The following ANAPC10 variants were observed in gnomAD, a reference collection of about 807,000 sequenced individuals.
The protein encoded by ANAPC10 is anaphase-promoting complex subunit 10.
ANAPC10 carries 12 observed loss-of-function variants against 22.0 expected under a neutral mutation model. The ratio of observed to expected loss-of-function variants is 0.55; its 90% CI spans 0.35 to 0.88. ANAPC10 has a LOEUF of 0.88. Ranked by LOEUF, ANAPC10 falls within the 40% of genes least tolerant of loss-of-function variation. The pLI is 0.01. For synonymous variants in ANAPC10, 65 were observed against 69.5 expected (o/e 0.94, Z 0.32); for missense variants, 188 against 220.9 (o/e 0.85, Z 0.94).
At chr4:145,034,513 A>G (rs1191942387) in intron 4 of ANAPC10, among the ~76,000 whole-genome samples, 1 of 137,928 alleles carries the variant, frequency 7.3e-6, no homozygotes, top group Non-Finnish European at 1.5e-5. Context: ...AACACTTAAC[A>G]AACTCTCCTT....
At chr4:145,050,815 T>C (rs1432298733) in intron 4 of ANAPC10, among the ~76,000 whole-genome samples, 5 of 152,214 alleles carry the variant, frequency 3.3e-5, no homozygotes, top group Non-Finnish European at 7.3e-5. Context: ...ATTAGGACCA[T>C]ACTGTGGATT....
At chr4:145,048,247 T>C (rs1257365814) in intron 4 of ANAPC10, among the ~76,000 whole-genome samples, 4 of 152,116 alleles carry the variant, frequency 2.6e-5, no homozygotes, top group Non-Finnish European at 5.9e-5. Flanking sequence ...GCTACATGAG[T>C]GATCAAGATG....
intron 4 of ANAPC10, among the ~76,000 whole-genome samples, chr4:145,019,542 G>A (rs888895681): frequency 6.6e-6 from 1 of 152,008 alleles, no homozygotes; most frequent in Admixed American, 6.6e-5. Flanking sequence ...AGGAACTAGA[G>A]AAACACGAAC....
chr4:145,084,096 A>T (rs549617368), intron 2 of ANAPC10, among the ~76,000 whole-genome samples: 1 of 152,198 alleles, frequency 6.6e-6, no homozygotes, highest in African/African-American at 2.4e-5. Context: ...TCAGTCATCT[A>T]GGTAGCTGGA....
At position 145,064,673 on chromosome 4, in the gene ANAPC10, T is replaced by C. The variant is rs754700610; in HGVS notation, c.226A>G (p.Thr76Ala). ...IQFRRKTTVK[T>A]LCIYADYKSD... ...TTGTAGTCTGCATAAATACATAATG[T>C]CTTCACTGTTGTTTTTCTTCTAAAA... Residue 76 changes from threonine (T) to alanine (A), a missense_variant, in exon 4 of 5, where the codon ACA (threonine) becomes GCA (alanine). Physicochemically the swap from Thr to Ala is moderately conservative, Grantham distance 58. Transcript: ENST00000507656. The C allele has an allele frequency of 6.5e-7, 1 of 1,545,046 alleles. No individual in the cohort carries two copies. Among genetic ancestry groups the C allele is most frequent in the Admixed American group, 1.8e-5 (1 of 54,306 alleles).
intron 4 of ANAPC10, among the ~76,000 whole-genome samples, chr4:145,020,266 AG>A (rs1735781263): frequency 2.0e-5 from 3 of 152,206 alleles, no homozygotes; most frequent in African/African-American, 7.2e-5. Context: ...CCAGGGATGC[AG>A]GGATGGTTTA....
At chr4:144,996,862 A>C (rs1216027421) in intron 4 of ANAPC10, among the ~76,000 whole-genome samples, 1 of 152,208 alleles carries the variant, frequency 6.6e-6, no homozygotes, top group Non-Finnish European at 1.5e-5. Context: ...CGAATGGCTA[A>C]CTAGAATAAA....
chr4:145,009,907 T>G (rs935037315), intron 4 of ANAPC10, among the ~76,000 whole-genome samples: 2 of 152,006 alleles, frequency 1.3e-5, no homozygotes, highest in Admixed American at 1.3e-4. Flanking sequence ...GGGAGAAAAT[T>G]TTTGCAATCT....
At chr4:145,096,776 C>T (rs1308262303) in intron 1 of ANAPC10, among the ~76,000 whole-genome samples, 2 of 151,862 alleles carry the variant, frequency 1.3e-5, no homozygotes, top group African/African-American at 4.8e-5. Flanking sequence ...TCTTGAACAC[C>T]TTGCTTCAAG....
At chr4:145,051,591 A>G (rs538286145) in intron 4 of ANAPC10, among the ~76,000 whole-genome samples, 21 of 152,338 alleles carry the variant, frequency 1.4e-4, no homozygotes, top group Admixed American at 1.2e-3. Flanking sequence ...AGGCCTGTAT[A>G]GTACTTAGTA....
chr4:145,071,355 A>G (rs556656707), intron 3 of ANAPC10, among the ~76,000 whole-genome samples: 11 of 152,310 alleles, frequency 7.2e-5, no homozygotes, highest in Non-Finnish European at 1.5e-4. Context: ...GCAGTGAGCC[A>G]AGATCGTGCC....
intron 4 of ANAPC10, among the ~76,000 whole-genome samples, chr4:145,060,604 A>C (rs1742741167): frequency 6.6e-6 from 1 of 152,042 alleles, no homozygotes; most frequent in Non-Finnish European, 1.5e-5. Context: ...CTATTAAAAC[A>C]TTTCAATACA....
intron 4 of ANAPC10, among the ~76,000 whole-genome samples, chr4:145,008,221 G>C (rs898128231): frequency 2.0e-5 from 3 of 152,116 alleles, no homozygotes; most frequent in Non-Finnish European, 2.9e-5. Flanking sequence ...ACAAGTCCAG[G>C]ACCAGATGGA....
intron 4 of ANAPC10, among the ~76,000 whole-genome samples, chr4:145,040,652 A>G (rs1739375242): frequency 6.6e-6 from 1 of 152,212 alleles, no homozygotes. Context: ...AGGGTCACCT[A>G]GCTAGTGACC....
rs1015029990 is a variant in ANAPC10, at chr4:145,097,832, C to A, written c.-13+288G>T. ...TGCCGGACTTGGGACTGGACGCCACCAAGTGGATAAAATATGGAGCTCGGA... is the reference window on the plus strand; with the variant it reads ...TGCCGGACTTGGGACTGGACGCCACAAAGTGGATAAAATATGGAGCTCGGA... On this transcript the variant is annotated intron_variant, in intron 1 of 4. Transcript: ENST00000507656. The A allele has an allele frequency of 1.2e-5, 4 of 333,592 alleles. No homozygotes were observed. In the East Asian group the frequency reaches 3.1e-4, roughly 26 times the overall value. The allele number at this position is 333,592 out of a possible 1,614,324, so 20.7% of individuals were successfully genotyped here. A position where few individuals can be genotyped will look rare whatever the true frequency, so the allele number is the denominator to read the frequency against.
chr4:145,032,000 C>G (rs969155071), intron 4 of ANAPC10, among the ~76,000 whole-genome samples: 1 of 152,154 alleles, frequency 6.6e-6, no homozygotes, highest in Admixed American at 6.5e-5. Flanking sequence ...TCGAGCAGGT[C>G]CGGAAGGCAC....
intron 4 of ANAPC10, among the ~76,000 whole-genome samples, chr4:145,045,666 T>C (rs1179181729): frequency 6.6e-6 from 1 of 152,088 alleles, no homozygotes; most frequent in Non-Finnish European, 1.5e-5. Flanking sequence ...TATGAATGTA[T>C]ACGTGATCTT....
intron 4 of ANAPC10, among the ~76,000 whole-genome samples, chr4:145,018,966 T>C (rs1408019283): frequency 6.6e-6 from 1 of 152,018 alleles, no homozygotes; most frequent in Non-Finnish European, 1.5e-5. Context: ...CTAATAGACC[T>C]AAAAAATGAG....
At chr4:145,074,433 C>T (rs1352299750) in intron 3 of ANAPC10, among the ~76,000 whole-genome samples, 2 of 151,988 alleles carry the variant, frequency 1.3e-5, no homozygotes, top group African/African-American at 4.8e-5. Flanking sequence ...GCTGATAGAA[C>T]AGCACCTTCC....
Sources: allele counts gnomAD v4.1 joint callset (sites outside exome capture counted in the v4.1 genomes callset), GRCh38; gene constraint gnomAD v4.1.1; transcripts MANE v1.5; gene names NCBI Gene and HGNC (gene_info 2026-07-23, HGNC 2026-07-21).